TMEM62: variants seen among roughly 807,000 people sequenced by gnomAD.
The protein encoded by TMEM62 is transmembrane protein 62.
TMEM62 carries 41 observed loss-of-function variants against 70.4 expected under a neutral mutation model. The observed-to-expected ratio is 0.58, with a 90% CI of 0.45 to 0.76. TMEM62 has a LOEUF of 0.76. TMEM62 is among the 30% of genes least tolerant of loss of function. The probability of loss-of-function intolerance (pLI) is 0.00; values close to 1 mark genes in which losing one functional copy is unlikely to be tolerated. For synonymous variants in TMEM62, 268 were observed against 291.0 expected, an observed-to-expected ratio of 0.92 and a Z score of 0.80; for missense variants, 688 against 788.5, an observed-to-expected ratio of 0.87 and a Z score of 1.53.
At chr15:43,134,763 A>G (rs549844234) in intron 2 of TMEM62, among the ~76,000 whole-genome samples, 1 of 152,292 alleles carries the variant, frequency 6.6e-6, no homozygotes, top group African/African-American at 2.4e-5. Context: ...TCTTTACATT[A>G]TTAATCTTAT....
In TMEM62 at chr15:43,135,635, T is replaced by A; in HGVS notation, c.416T>A (p.Ile139Asn). 1 of 1,594,202 alleles carries A rather than the reference T, an allele frequency of 6.3e-7. No homozygotes were observed. The highest frequency in any genetic ancestry group is 8.5e-7 in the Non-Finnish European group (1 of 1,175,154). ...ATGGAAAAAACCAAGTGGCTGGATA[T>A]CAAAGGAAATCATGGTAAGAGCCAA... The part of the protein sequence containing the change: ...RVMEKTKWLD[I>N]KGNHDAFNIP... Residue 139 changes from isoleucine to asparagine, a missense_variant, in exon 3 of 14, where the codon ATC becomes AAC. Coordinates refer to ENST00000260403, the MANE Select transcript of TMEM62 (RefSeq NM_024956.4).
intron 9 of TMEM62, among the ~76,000 whole-genome samples, chr15:43,157,794 C>T (rs1596282675): frequency 6.6e-6 from 1 of 152,096 alleles, no homozygotes; most frequent in Admixed American, 6.6e-5. Flanking sequence ...ACAGTAGTTC[C>T]GTAATATCGA....
At chr15:43,168,247 C>T (rs2039805535) in intron 10 of TMEM62, among the ~76,000 whole-genome samples, 1 of 151,346 alleles carries the variant, frequency 6.6e-6, no homozygotes, top group Non-Finnish European at 1.5e-5. Flanking sequence ...CACTTTTCCC[C>T]AAGCAGAAGG....
chr15:43,184,040 A>G (rs917425520), intron 13 of TMEM62: 4 of 587,664 alleles, frequency 6.8e-6, no homozygotes, highest in Non-Finnish European at 1.2e-5. Flanking sequence ...GGACTTCAGC[A>G]TAAATTAAAT....
intron 4 of TMEM62, among the ~76,000 whole-genome samples, chr15:43,144,027 A>C (rs2036378992): frequency 6.6e-6 from 1 of 152,248 alleles, no homozygotes. Flanking sequence ...ACATGAAGAA[A>C]TGGCCGAGGA....
Position 43,181,397 on chromosome 15 carries a change from T to C in TMEM62, c.1605+98T>C, listed in dbSNP as rs188325962. 7.7e-3 allele frequency: 5,962 copies of C among 776,590 alleles called. 108 individuals carry two copies. The highest frequency in any genetic ancestry group is 5.4e-3 in the Non-Finnish European group (2,468 of 457,458). 48.1% of individuals were successfully genotyped at this position (776,590 alleles called of 1,614,324 possible). ...ATCCAAAATCCAGAATTAAGTACCA[T>C]AGATCATCTTTCCTACTTTACTTGC... On this transcript the variant is annotated intron_variant, in intron 13 of 13. Transcript: ENST00000260403.
chr15:43,163,347 ATAT>A (rs1396922040), intron 10 of TMEM62, among the ~76,000 whole-genome samples: 4 of 152,194 alleles, frequency 2.6e-5, no homozygotes, highest in Non-Finnish European at 4.4e-5. Context: ...TTTTTCAGAC[ATAT>A]TATTAATAAG....
chr15:43,171,700 T>C lies in TMEM62; in HGVS notation c.1381+2023T>C, dbSNP rs1596333789. On this transcript the variant is annotated intron_variant, in intron 11 of 13. Coordinates refer to ENST00000260403, the MANE Select transcript of TMEM62 (RefSeq NM_024956.4). Reference sequence around the variant, plus strand: ...TGGAGTGCAGTGGCGCAATCTCAGCTCACTGCAAGCTCTGCCTCCTGGGTT... The same window carrying C: ...TGGAGTGCAGTGGCGCAATCTCAGCCCACTGCAAGCTCTGCCTCCTGGGTT... 4.1e-5 allele frequency among the ~76,000 whole-genome samples: 6 copies of C among 147,462 alleles called. No individual in the cohort carries two copies. In the South Asian group the frequency reaches 1.3e-3, roughly 32 times the overall value.
intron 11 of TMEM62, among the ~76,000 whole-genome samples, chr15:43,173,193 C>CT (rs1338684620): frequency 6.6e-6 from 1 of 152,172 alleles, no homozygotes; most frequent in Non-Finnish European, 1.5e-5. Context: ...GAGACTCCAT[C>CT]TCAAAAAAAC....
chr15:43,155,787 A>G (rs890060996), intron 9 of TMEM62, among the ~76,000 whole-genome samples: 1 of 152,208 alleles, frequency 6.6e-6, no homozygotes, highest in Non-Finnish European at 1.5e-5. Flanking sequence ...CTCTAATTGT[A>G]GGACAATTGT....
intron 9 of TMEM62, among the ~76,000 whole-genome samples, chr15:43,158,254 CTCTT>C (rs899728185): frequency 1.5e-4 from 23 of 152,192 alleles, no homozygotes; most frequent in African/African-American, 5.5e-4. Context: ...TTGGTTGTCT[CTCTT>C]TCTATAATGT....
Position 43,178,629 on chromosome 15 carries a change from G to T in TMEM62, c.1404G>T (p.Leu468=). 6.2e-7 allele frequency: 1 copy of T among 1,611,276 alleles called. No individual in the cohort carries two copies. The highest frequency in any genetic ancestry group is 1.1e-5 in the South Asian group (1 of 90,878). Residue 468 remains leucine (L), a synonymous_variant, in exon 12 of 14, where the codon CTG becomes CTT. Transcript: ENST00000260403. ...ELKEPSGFIN[L]TSFSLHVLSK... is the part of the protein sequence containing the mutation. ...TAGAACCTTCAGGGTTTATAAATCT[G>T]ACCTCATTTTCTCTTCATGTCTTGA...
chr15:43,160,834 G>C, intron 10 of TMEM62, 40 bp downstream of exon 10: 3 of 1,264,830 alleles, frequency 2.4e-6, no homozygotes, highest in Non-Finnish European at 3.4e-6. Flanking sequence ...GTTAAATGCA[G>C]AGTCCTAAAT....
intron 6 of TMEM62, 68 bp downstream of exon 6, chr15:43,148,947 G>A: frequency 6.2e-7 from 1 of 1,602,328 alleles, no homozygotes; most frequent in Admixed American, 1.7e-5. Context: ...TACCTATTCT[G>A]CTTTTCTGGC....
At chr15:43,135,842 G>T in intron 3 of TMEM62, 193 bp downstream of exon 3, 1 of 519,254 alleles carries the variant, frequency 1.9e-6, no homozygotes, top group South Asian at 4.3e-5. Context: ...GATGACAATT[G>T]GTATGGTCCT....
rs2037828559 is a variant in TMEM62 at position 43,154,727 on chromosome 15, G to T, written c.1078G>T (p.Val360Phe). 6.2e-7 allele frequency: 1 copy of T among 1,613,726 alleles called. No individual in the cohort carries two copies. Among genetic ancestry groups the T allele is most frequent in the Admixed American group, 1.7e-5 (1 of 59,940 alleles). Reference protein sequence around the residue: ...ITSVTVKIDGVHLGQAVHVSG... With the variant: ...ITSVTVKIDGFHLGQAVHVSG... ...TTCTGTCACAGTTAAGATTGATGGA[G>T]TTCATTTAGGCCAGGCTGTTCATGT... is the stretch of plus-strand genomic sequence containing the variant. Residue 360 changes from valine to phenylalanine, a missense_variant, in exon 9 of 14, where the codon GTT (valine) becomes TTT (phenylalanine). Transcript: ENST00000260403.
chr15:43,159,919 C>T (rs1431228895), intron 9 of TMEM62, among the ~76,000 whole-genome samples: 8 of 152,130 alleles, frequency 5.3e-5, no homozygotes, highest in Non-Finnish European at 1.0e-4. Flanking sequence ...GGAAAATACA[C>T]GTGAGTGCAT....
At chr15:43,147,533 T>C (rs1220440171) in intron 5 of TMEM62, among the ~76,000 whole-genome samples, 2 of 152,146 alleles carry the variant, frequency 1.3e-5, no homozygotes, top group Admixed American at 6.5e-5. Flanking sequence ...AGTGGTGAGG[T>C]ATAAGACCAG....
chr15:43,157,163 A>G (rs1212321572), intron 9 of TMEM62, among the ~76,000 whole-genome samples: 1 of 152,164 alleles, frequency 6.6e-6, no homozygotes, highest in Non-Finnish European at 1.5e-5. Context: ...TCTAGTAGCA[A>G]CTAGACCTTT....
Sources: gnomAD v4.1 joint callset for allele counts (sites outside exome capture counted in the v4.1 genomes callset) on GRCh38, gnomAD v4.1.1 for gene constraint, MANE v1.5 for transcripts, NCBI Gene and HGNC (gene_info 2026-07-23, HGNC 2026-07-21) for gene names.